NTM: variants seen among roughly 807,000 people sequenced by gnomAD.
NTM encodes the protein IgLON family member 2.
In NTM, 13 loss-of-function variants were observed where a neutral mutation model predicts 42.1. That is an observed-to-expected ratio of 0.31 (90% confidence interval 0.20 to 0.49). The LOEUF is 0.49. NTM is among the 20% of genes least tolerant of loss of function. The probability of loss-of-function intolerance (pLI) is 0.99; values close to 1 mark genes in which losing one functional copy is unlikely to be tolerated. For missense variants in NTM, 373 were observed against 452.8 expected (o/e 0.82, Z 1.60); for synonymous variants, 187 against 179.2 (o/e 1.04, Z -0.35).
intron 2 of NTM, among the ~76,000 whole-genome samples, chr11:132,120,149 G>A (rs1277109587): frequency 1.3e-5 from 2 of 150,712 alleles, no homozygotes; most frequent in African/African-American, 4.9e-5. Context: ...TCTTGTCTTT[G>A]TTTCCTCCTG....
chr11:131,936,455 G>A (rs1400002066), intron 2 of NTM, among the ~76,000 whole-genome samples: 1 of 152,102 alleles, frequency 6.6e-6, no homozygotes, highest in African/African-American at 2.4e-5. Context: ...AAAGGAACTT[G>A]TTGCTGAGTG....
intron 4 of NTM, among the ~76,000 whole-genome samples, chr11:132,302,185 G>A (rs187248790): frequency 1.1e-4 from 17 of 152,208 alleles, no homozygotes; most frequent in African/African-American, 3.9e-4. Context: ...CCCTGCTTCG[G>A]TTGTCGTATT....
At chr11:132,064,551 G>A (rs1425590343) in intron 2 of NTM, among the ~76,000 whole-genome samples, 1 of 152,192 alleles carries the variant, frequency 6.6e-6, no homozygotes, top group African/African-American at 2.4e-5. Context: ...AGAGTTAATA[G>A]TGAGGCCTCC....
chr11:131,538,710 C>T (rs927592403), intron 1 of NTM: 2 of 152,232 alleles, frequency 1.3e-5, no homozygotes, highest in African/African-American at 4.8e-5. Context: ...GGCAGGAACA[C>T]ACTAGTTGTT....
intron 1 of NTM, among the ~76,000 whole-genome samples, chr11:131,481,879 C>A (rs768073765): frequency 2.0e-5 from 3 of 152,166 alleles, no homozygotes; most frequent in Non-Finnish European, 4.4e-5. Flanking sequence ...GAAGACATTG[C>A]CTTTGTAGCA....
At chr11:132,293,927 C>G (rs2094533427) in intron 4 of NTM, among the ~76,000 whole-genome samples, 1 of 152,114 alleles carries the variant, frequency 6.6e-6, no homozygotes, top group African/African-American at 2.4e-5. Context: ...ACTAGTTGGT[C>G]TTTTATAGAA....
chr11:132,092,679 TC>T (rs2060510298), intron 2 of NTM, among the ~76,000 whole-genome samples: 1 of 152,178 alleles, frequency 6.6e-6, no homozygotes, highest in Non-Finnish European at 1.5e-5. Context: ...CAACCCTCAG[TC>T]ATTGTTTTCT....
chr11:131,834,851 G>A (rs1348869843), intron 1 of NTM, among the ~76,000 whole-genome samples: 2 of 151,872 alleles, frequency 1.3e-5, no homozygotes, highest in Admixed American at 6.6e-5. Flanking sequence ...TGGATATGTG[G>A]CCTAAAACAT....
intron 1 of NTM, among the ~76,000 whole-genome samples, chr11:131,415,030 G>A (rs1946802466): frequency 6.6e-6 from 1 of 152,154 alleles, no homozygotes; most frequent in African/African-American, 2.4e-5. Context: ...TCAGGCAAAA[G>A]CCAGGTCAGA....
intron 2 of NTM, among the ~76,000 whole-genome samples, chr11:132,065,231 G>A (rs2081263052): frequency 6.6e-6 from 1 of 152,198 alleles, no homozygotes; most frequent in Admixed American, 6.5e-5. Context: ...GCCAAGTGTA[G>A]ATGTCCTTTC....
intron 1 of NTM, among the ~76,000 whole-genome samples, chr11:131,641,319 T>A (rs1237180685): frequency 6.6e-6 from 1 of 152,238 alleles, no homozygotes; most frequent in Admixed American, 6.5e-5. Flanking sequence ...TTCATTGTTT[T>A]GTTTTCTCAT....
At position 131,513,842 on chromosome 11, in the gene NTM, G is replaced by A. The variant is rs115394053; in HGVS notation, c.82+142954G>A. 5.8e-3 allele frequency among the ~76,000 whole-genome samples: 878 copies of A among 152,212 alleles called. 10 individuals are homozygous for A. The highest frequency in any genetic ancestry group is 0.02 in the African/African-American group (832 of 41,518). ...ATTCATAAAGGTAGTGCAAGGCCCCGAGGTTAAGTTTTATCTTAATTATGT... is the reference window on the plus strand; with the variant it reads ...ATTCATAAAGGTAGTGCAAGGCCCCAAGGTTAAGTTTTATCTTAATTATGT... On this transcript the variant is annotated intron_variant, in intron 1 of 8. Coordinates refer to ENST00000683400, the MANE Select transcript of NTM (RefSeq NM_001352005.2).
intron 1 of NTM, among the ~76,000 whole-genome samples, chr11:131,376,563 G>A (rs552280800): frequency 2.6e-5 from 4 of 152,186 alleles, no homozygotes; most frequent in South Asian, 2.1e-4. Flanking sequence ...TTTTCATTGC[G>A]GAGAAGAGCG....
intron 1 of NTM, among the ~76,000 whole-genome samples, chr11:131,513,180 G>T (rs534846564): frequency 1.3e-5 from 2 of 152,350 alleles, no homozygotes; most frequent in South Asian, 4.1e-4. Context: ...CTGAAGGCCT[G>T]AACCCAAAGT....
At chr11:131,507,310 G>A (rs1239272425) in intron 1 of NTM, among the ~76,000 whole-genome samples, 2 of 151,758 alleles carry the variant, frequency 1.3e-5, no homozygotes, top group African/African-American at 2.4e-5. Context: ...TTATTAAATA[G>A]GGAATCCTTT....
chr11:132,103,584 C>T (rs1048876586), intron 2 of NTM, among the ~76,000 whole-genome samples: 3 of 152,198 alleles, frequency 2.0e-5, no homozygotes, highest in African/African-American at 7.2e-5. Flanking sequence ...ATGGCTGGGG[C>T]AGGTGACAAC....
intron 1 of NTM, among the ~76,000 whole-genome samples, chr11:131,413,725 A>G (rs1431923915): frequency 6.6e-6 from 1 of 152,204 alleles, no homozygotes; most frequent in Non-Finnish European, 1.5e-5. Context: ...TTGTCTTTGA[A>G]GGTGCAAGTG....
At chr11:131,594,978 G>T (rs756709431) in intron 1 of NTM, among the ~76,000 whole-genome samples, 110 of 152,130 alleles carry the variant, frequency 7.2e-4, no homozygotes, top group Non-Finnish European at 1.3e-3. Flanking sequence ...TATAAAACTG[G>T]TCTAAAGATC....
chr11:131,689,645 A>G (rs547288120), intron 1 of NTM, among the ~76,000 whole-genome samples: 7 of 152,312 alleles, frequency 4.6e-5, no homozygotes, highest in African/African-American at 1.7e-4. Context: ...GCTGGGCCTC[A>G]GCAGCCTTCT....
Sources: gnomAD v4.1 joint callset for allele counts (sites outside exome capture counted in the v4.1 genomes callset) on GRCh38, gnomAD v4.1.1 for gene constraint, MANE v1.5 for transcripts, NCBI Gene and HGNC (gene_info 2026-07-23, HGNC 2026-07-21) for gene names.